Variants in C1QTNF1 observed in about 807,000 individuals in gnomAD.
The protein encoded by C1QTNF1 is C1q and TNF related 1, also known as complement C1q tumor necrosis factor-related protein 1.
A neutral mutation model predicts 27.8 loss-of-function variants in C1QTNF1; 22 were observed. The observed-to-expected ratio is 0.79, with a 90% confidence interval of 0.56 to 1.13. The LOEUF (loss-of-function observed/expected upper bound fraction) is 1.13. Ranked by LOEUF, C1QTNF1 falls within the 50% of genes most tolerant of loss-of-function variation. The pLI is 0.00. For missense variants in C1QTNF1, 373 were observed against 380.2 expected (o/e 0.98, Z 0.16); for synonymous variants, 166 against 154.3 (o/e 1.08, Z -0.56).
intron 1 of C1QTNF1, chr17:79,043,639 T>C (rs959300801): frequency 6.0e-5 from 30 of 496,458 alleles, no homozygotes; most frequent in Non-Finnish European, 1.0e-4. Context: ...GGGTTGCATG[T>C]GAGTGTATGT....
chr17:79,030,979 C>T (rs2072125474), intron 1 of C1QTNF1, among the ~76,000 whole-genome samples: 1 of 151,494 alleles, frequency 6.6e-6, no homozygotes, highest in African/African-American at 2.4e-5. Context: ...TTCTGCTCCC[C>T]AGTCCCTCCA....
chr17:79,040,670 G>T (rs2072379839), intron 1 of C1QTNF1, among the ~76,000 whole-genome samples: 1 of 140,762 alleles, frequency 7.1e-6, no homozygotes, highest in African/African-American at 2.7e-5. Flanking sequence ...GAGGTGGGCA[G>T]ATCACTTGAG....
At chr17:79,042,535 G>C (rs776884136) in intron 1 of C1QTNF1, among the ~76,000 whole-genome samples, 4 of 152,230 alleles carry the variant, frequency 2.6e-5, no homozygotes, top group Non-Finnish European at 5.9e-5. Flanking sequence ...GACACCTGCT[G>C]ATGCGCCGCC....
intron 1 of C1QTNF1, among the ~76,000 whole-genome samples, chr17:79,030,319 T>TTGTGTG (rs142110810): frequency 0.017 from 2,560 of 147,888 alleles, 56 homozygotes; most frequent in African/African-American, 0.059. Context: ...CTTTGTGGTT[T>TTGTGTG]TGTGTGTGTG....
rs539602956 is a variant in C1QTNF1, at chr17:79,047,068, G to T, written c.295+374G>T. On this transcript the variant is annotated intron_variant, in intron 3 of 3. Transcript: ENST00000579760. ...CCTGCTCGCTCCGGTCCTGCACACG[G>T]CAGATAACCCTGCACAGCCCCGTGA... The T allele has an allele frequency of 5.1e-4, 145 of 283,270 alleles. 2 individuals are homozygous for T. In the South Asian group the frequency reaches 0.01, roughly 20 times the overall value. 17.5% of individuals were successfully genotyped at this position (283,270 alleles called of 1,614,324 possible).
chr17:79,030,819 T>C (rs908919577), intron 1 of C1QTNF1, among the ~76,000 whole-genome samples: 1 of 151,894 alleles, frequency 6.6e-6, no homozygotes, highest in South Asian at 2.1e-4. Context: ...CAGGATGATA[T>C]TGAACTCCTG....
chr17:79,029,876 C>T (rs1410589418), intron 1 of C1QTNF1, among the ~76,000 whole-genome samples: 3 of 152,294 alleles, frequency 2.0e-5, no homozygotes, highest in East Asian at 1.9e-4. Flanking sequence ...ACTCTACTGC[C>T]CAAGGGAAAG....
intron 1 of C1QTNF1, among the ~76,000 whole-genome samples, chr17:79,028,480 T>C (rs1277573019): frequency 6.6e-6 from 1 of 152,164 alleles, no homozygotes; most frequent in Non-Finnish European, 1.5e-5. Context: ...CAGAGGTGTG[T>C]TCAGAAAACG....
Position 79,049,546 on chromosome 17 carries a change from A to G in C1QTNF1, c.*1458A>G, listed in dbSNP as rs1599316074. On this transcript the variant is annotated 3_prime_UTR_variant, in exon 4 of 4. Coordinates refer to ENST00000579760, the MANE Select transcript of C1QTNF1 (RefSeq NM_030968.5). The surrounding 1 kb of genome is among the most constrained non-coding windows in gnomAD (Gnocchi z 4.4). ...ACTCTTGCTACCCGCTGGGCCCCCAAACCCCCGCTGCCTCTCTTCCTTCCC... is the reference window on the plus strand; with the variant it reads ...ACTCTTGCTACCCGCTGGGCCCCCAGACCCCCGCTGCCTCTCTTCCTTCCC... 2 of 152,048 alleles carry G rather than the reference A, an allele frequency of 1.3e-5. No individual in the cohort carries two copies. The highest frequency in any genetic ancestry group is 3.9e-4 in the East Asian group (2 of 5,180). 9.4% of individuals were successfully genotyped at this position (152,048 alleles called of 1,614,324 possible).
intron 2 of C1QTNF1, among the ~76,000 whole-genome samples, chr17:79,044,895 C>A (rs2072526798): frequency 6.6e-6 from 1 of 152,186 alleles, no homozygotes; most frequent in East Asian, 1.9e-4. Flanking sequence ...GGTTGAGTCA[C>A]ATCATTCCGT....
chr17:79,045,945 A>AG (rs1319391212), intron 2 of C1QTNF1, among the ~76,000 whole-genome samples: 1 of 152,096 alleles, frequency 6.6e-6, no homozygotes, highest in Non-Finnish European at 1.5e-5. Flanking sequence ...TGGCCCATCC[A>AG]GGGGGACTTT....
chr17:79,040,632 G>A (rs1324357395), intron 1 of C1QTNF1, among the ~76,000 whole-genome samples: 3 of 148,732 alleles, frequency 2.0e-5, no homozygotes, highest in Non-Finnish European at 3.0e-5. Flanking sequence ...GGAGGATCAC[G>A]CCTGTAATCC....
intron 1 of C1QTNF1, among the ~76,000 whole-genome samples, chr17:79,033,438 G>A (rs998176306): frequency 6.6e-6 from 1 of 152,178 alleles, no homozygotes; most frequent in Non-Finnish European, 1.5e-5. Context: ...GTCAGGCACG[G>A]TGGCTTCACG....
At chr17:79,043,878 T>G (rs979379567) in intron 1 of C1QTNF1, 77 bp from the exon 2 acceptor site, 1 of 1,534,174 alleles carries the variant, frequency 6.5e-7, no homozygotes. Context: ...GCTGTTTCTC[T>G]CCCCAATTTT....
rs540997077 is a variant in C1QTNF1, at chr17:79,035,792, T to C, written c.-14-8163T>C. Among the ~76,000 whole-genome samples the C allele has an allele frequency of 2.6e-5, 4 of 152,262 alleles. No homozygotes were observed. The East Asian group carries it at 7.7e-4, about 29-fold the overall frequency. On this transcript the variant is annotated intron_variant, in intron 1 of 3. Coordinates refer to ENST00000579760, the MANE Select transcript of C1QTNF1 (RefSeq NM_030968.5). ...GGATAAAGTCCTATCTTATGCCAAG[T>C]TTCCTTGGGAGATGAATGTAAACTG...
In C1QTNF1 at chr17:79,048,179, C is replaced by A; in HGVS notation, c.*91C>A. 1 of 1,018,162 alleles carries A rather than the reference C, an allele frequency of 9.8e-7. No homozygotes were observed. Among genetic ancestry groups the A allele is most frequent in the Non-Finnish European group, 1.3e-6 (1 of 772,626 alleles). The allele number at this position is 1,018,162 out of a possible 1,614,324, so 63.1% of individuals were successfully genotyped here. ...TTCCCCGATCCCTGGACTCCGACTCCCTGGCTTTGGCATTCAGTGAGACGC... is the reference window on the plus strand; with the variant it reads ...TTCCCCGATCCCTGGACTCCGACTCACTGGCTTTGGCATTCAGTGAGACGC... On this transcript the variant is annotated 3_prime_UTR_variant, in exon 4 of 4. Coordinates refer to ENST00000579760, the MANE Select transcript of C1QTNF1 (RefSeq NM_030968.5).
At chr17:79,026,522 G>A (rs2071967409) in intron 1 of C1QTNF1, among the ~76,000 whole-genome samples, 1 of 152,224 alleles carries the variant, frequency 6.6e-6, no homozygotes, top group Non-Finnish European at 1.5e-5. Context: ...CCAAGCTGAT[G>A]CTGGGAACTT....
At chr17:79,026,867 A>C (rs749768537) in intron 1 of C1QTNF1, among the ~76,000 whole-genome samples, 18 of 152,210 alleles carry the variant, frequency 1.2e-4, no homozygotes, top group Non-Finnish European at 2.4e-4. Flanking sequence ...TTTCAGGGCA[A>C]CCAGGACAAC....
intron 3 of C1QTNF1, 102 bp from the exon 4 acceptor site, chr17:79,047,426 AGGGCTGTGAG>A (rs2072613416): frequency 9.0e-7 from 1 of 1,105,142 alleles, no homozygotes; most frequent in Admixed American, 2.5e-5. Flanking sequence ...CTGCCAGGTC[AGGGCTGTGAG>A]GACGAATCAG....
Sources: gnomAD v4.1 joint callset for allele counts (sites outside exome capture counted in the v4.1 genomes callset) on GRCh38, gnomAD v4.1.1 for gene constraint, Gnocchi (gnomAD v3.1) non-coding constraint, MANE v1.5 for transcripts, NCBI Gene and HGNC (gene_info 2026-07-23, HGNC 2026-07-21) for gene names.